The following USP42 variants were observed in gnomAD, a reference collection of about 807,000 sequenced individuals.
USP42 encodes the protein ubiquitin carboxyl-terminal hydrolase 42.
In USP42, 23 loss-of-function variants were observed where a neutral mutation model predicts 113.0. The ratio of observed to expected loss-of-function variants is 0.20; its 90% CI spans 0.15 to 0.29. USP42 has a LOEUF of 0.29. Ranked by LOEUF, USP42 falls within the 10% of genes least tolerant of loss-of-function variation. The pLI, the probability that USP42 is intolerant of heterozygous loss-of-function variation, is 1.00. For missense variants in USP42, 2,174 were observed against 1,779.8 expected (o/e 1.22, Z -3.99); for synonymous variants, 933 against 699.0 (o/e 1.33, Z -5.28).
intron 3 of USP42, among the ~76,000 whole-genome samples, chr7:6,123,914 C>T (rs1481069752): frequency 6.7e-6 from 1 of 149,422 alleles, no homozygotes; most frequent in African/African-American, 2.5e-5. Context: ...CTCACTTTGT[C>T]ACCTATGCTG....
Position 6,135,061 on chromosome 7 carries a change from A to G in USP42, c.443-780A>G, listed in dbSNP as rs141090419. Among the ~76,000 whole-genome samples the G allele has an allele frequency of 7.5e-4, 114 of 152,296 alleles. 1 individual carries two copies. The East Asian group carries it at 0.021, about 28-fold the overall frequency. ...CACCTCAGCTTCCCAGAGTGCTGAG[A>G]TGATAGGCATGAGCCATGGCGCCTG... On this transcript the variant is annotated intron_variant, in intron 3 of 17. Transcript: ENST00000306177.
Position 6,161,287 on chromosome 7 carries a change from TACAG to T in USP42, c.*773_*776del, listed in dbSNP as rs939780342. On this transcript the variant is annotated 3_prime_UTR_variant, in exon 18 of 18. Transcript: ENST00000306177. ...TGCTTGGTCCCTTCGAGTTTCTAGT[TACAG>T]ACACAATCATACTGTGATTTTATTT... The T allele has an allele frequency of 3.3e-5, 5 of 152,564 alleles. No individual in the cohort carries two copies. Among genetic ancestry groups the T allele is most frequent in the African/African-American group, 1.2e-4 (5 of 41,430 alleles). 9.5% of individuals were successfully genotyped at this position (152,564 alleles called of 1,614,324 possible).
chr7:6,157,075 A>G lies in USP42; in HGVS notation c.3943+20A>G. ...GCCAGGGTAAGAGGAGATACTTGGA[A>G]TTAGGAAGATAGAAACTATTTCTTA... is the stretch of plus-strand genomic sequence containing the variant. On this transcript the variant is annotated intron_variant, in intron 16 of 17. Transcript: ENST00000306177. This position sits in a 1 kb window ranked among gnomAD's most constrained non-coding sequence, Gnocchi z 4.1. 1 of 1,553,858 alleles carries G rather than the reference A, an allele frequency of 6.4e-7. No individual in the cohort carries two copies. Among genetic ancestry groups the G allele is most frequent in the Non-Finnish European group, 8.7e-7 (1 of 1,154,634 alleles).
chr7:6,085,710 G>C, the USP42 span, among the ~76,000 whole-genome samples: 15 of 150,046 alleles, frequency 1.0e-4, no homozygotes, highest in Admixed American at 9.3e-4. Flanking sequence ...TGCCTCTTGA[G>C]TTCAAGCGAT....
rs1782515524 is a variant in USP42 at position 6,157,385 on chromosome 7, TTTTATTTTATTTTA to T, written c.3943+344_3943+357del. On this transcript the variant is annotated intron_variant, in intron 16 of 17. Transcript: ENST00000306177. This position sits in a 1 kb window ranked among gnomAD's most constrained non-coding sequence, Gnocchi z 4.1. ...GAACTCTTGGTTTGGTTTGGTTTTATTTTATTTTATTTTATTTATTTTATTTTTTGAGACGGAGT... is the reference window on the plus strand; with the variant it reads ...GAACTCTTGGTTTGGTTTGGTTTTATTTTATTTTATTTTTTGAGACGGAGT... 3.0e-6 allele frequency: 3 copies of T among 998,578 alleles called. No homozygotes were observed. Among genetic ancestry groups the T allele is most frequent in the South Asian group, 4.7e-5 (1 of 21,352 alleles). 61.9% of individuals were successfully genotyped at this position (998,578 alleles called of 1,614,324 possible). A position where few individuals can be genotyped will look rare whatever the true frequency, so the allele number is the denominator to read the frequency against.
At chr7:6,149,459 A>G (rs964555781) in intron 12 of USP42, 124 bp from the exon 13 acceptor site, 93 of 1,203,250 alleles carry the variant, frequency 7.7e-5, no homozygotes, top group Non-Finnish European at 1.0e-4. Context: ...TTCCAGGTGT[A>G]TGAAACTTGT....
upstream of USP42, among the ~76,000 whole-genome samples, chr7:6,104,033 A>G (rs1417135931): frequency 1.3e-5 from 2 of 151,122 alleles, no homozygotes; most frequent in Non-Finnish European, 2.9e-5. Flanking sequence ...GCAGTGAGTT[A>G]GGTCGTGAAA....
At chr7:6,132,474 C>A (rs1050698334) in intron 3 of USP42, among the ~76,000 whole-genome samples, 15 of 151,748 alleles carry the variant, frequency 9.9e-5, no homozygotes, top group Non-Finnish European at 2.2e-4. Flanking sequence ...TCTCCTGTCT[C>A]AGCCTCCTGA....
In USP42 at chr7:6,139,381, GT is replaced by G. The variant is rs1173854686; in HGVS notation, c.656+188del. The G allele has an allele frequency of 4.2e-5, 20 of 479,732 alleles. No homozygotes were observed. The Admixed American group carries it at 7.3e-4, about 18-fold the overall frequency. The allele number at this position is 479,732 out of a possible 1,614,324, so 29.7% of individuals were successfully genotyped here. On this transcript the variant is annotated intron_variant, in intron 5 of 17. Coordinates refer to ENST00000306177, the MANE Select transcript of USP42 (RefSeq NM_032172.3). The surrounding 1 kb of genome is among the most constrained non-coding windows in gnomAD (Gnocchi z 4.5). ...TTTAAAATGGTTGAAATTTACACGT[GT>G]GTCTTACGTAACAGTTTGAGTTGGC... is the stretch of plus-strand genomic sequence containing the variant.
Position 6,157,179 on chromosome 7 carries a change from AC to A in USP42, c.3943+128del. ...ATCAAAGGGCACAGTTACTCAGAGC[AC>A]CCCTGCCCTGCCTGGTCTGGCCTCA... is the stretch of plus-strand genomic sequence containing the variant. On this transcript the variant is annotated intron_variant, in intron 16 of 17. Coordinates refer to ENST00000306177, the MANE Select transcript of USP42 (RefSeq NM_032172.3). The surrounding 1 kb of genome is among the most constrained non-coding windows in gnomAD (Gnocchi z 4.1). The A allele has an allele frequency of 7.0e-7, 1 of 1,434,870 alleles. No homozygotes were observed. Among genetic ancestry groups the A allele is most frequent in the Non-Finnish European group, 9.1e-7 (1 of 1,099,730 alleles). The allele number at this position is 1,434,870 out of a possible 1,614,324, so 88.9% of individuals were successfully genotyped here. A position where few individuals can be genotyped will look rare whatever the true frequency, so the allele number is the denominator to read the frequency against.
At chr7:6,113,886 G>C (rs1779737768) in intron 2 of USP42, among the ~76,000 whole-genome samples, 1 of 149,938 alleles carries the variant, frequency 6.7e-6, no homozygotes, top group African/African-American at 2.4e-5. Context: ...CTCCCAAAGT[G>C]CTGGGATTAC....
rs574148503 is a variant in USP42, at chr7:6,108,267, G to A, written c.-9-2858G>A. On this transcript the variant is annotated intron_variant, in intron 1 of 17. Transcript: ENST00000306177. ...TAAAAAACAAATTTGGCCAGGTTCT[G>A]TGGCTCATGCCTGTAATTCCAGCAT... 5.3e-5 allele frequency among the ~76,000 whole-genome samples: 8 copies of A among 152,250 alleles called. No individual in the cohort carries two copies. The South Asian group carries it at 6.2e-4, about 12-fold the overall frequency.
Position 6,154,299 on chromosome 7 carries a change from C to T in USP42, c.2745C>T (p.Asp915=), listed in dbSNP as rs2128521667. The change falls in exon 15 of 18, where the codon GAC becomes GAT. Residue 915 remains aspartate (D), a synonymous_variant. Coordinates refer to ENST00000306177, the MANE Select transcript of USP42 (RefSeq NM_032172.3). ...DMAPAGHPEG[D]AEPSPGERVE... is the part of the protein sequence containing the mutation. ...CCCCGGCCGGTCACCCGGAAGGGGACGCTGAGCCTAGCCCCGGCGAGAGGG... is the reference window on the plus strand; with the variant it reads ...CCCCGGCCGGTCACCCGGAAGGGGATGCTGAGCCTAGCCCCGGCGAGAGGG... 1.3e-6 allele frequency: 2 copies of T among 1,586,614 alleles called. No individual in the cohort carries two copies. Among genetic ancestry groups the T allele is most frequent in the East Asian group, 2.3e-5 (1 of 43,220 alleles).
chr7:6,096,713 T>C, the USP42 span, among the ~76,000 whole-genome samples: 1 of 151,164 alleles, frequency 6.6e-6, no homozygotes, highest in Non-Finnish European at 1.5e-5. Context: ...GAGATCCTCC[T>C]TGTCTGCTTA....
chr7:6,153,812 G>A lies in USP42; in HGVS notation c.2258G>A (p.Gly753Asp), dbSNP rs1328432071. 2 of 1,526,150 alleles carry A rather than the reference G, an allele frequency of 1.3e-6. No individual in the cohort carries two copies. The highest frequency in any genetic ancestry group is 1.8e-6 in the Non-Finnish European group (2 of 1,135,322). The allele number at this position is 1,526,150 out of a possible 1,614,324, so 94.5% of individuals were successfully genotyped here. A position where few individuals can be genotyped will look rare whatever the true frequency, so the allele number is the denominator to read the frequency against. ...PEDRDAEPQP[G>D]SPAAESLEEP... ...GACCGCGACGCCGAGCCTCAGCCTG[G>A]CAGCCCCGCCGCCGAATCCCTGGAG... Residue 753 changes from glycine to aspartate, a missense_variant, in exon 15 of 18, where the codon GGC becomes GAC. Gly to Asp is a moderately conservative substitution (Grantham distance 94). Transcript: ENST00000306177.
chr7:6,155,032 C>T lies in USP42; in HGVS notation c.3478C>T (p.Arg1160Trp), dbSNP rs201656867. 23 of 1,563,704 alleles carry T rather than the reference C, an allele frequency of 1.5e-5. No homozygotes were observed. Among genetic ancestry groups the T allele is most frequent in the African/African-American group, 9.5e-5 (7 of 73,718 alleles). ...TCACGAACACGAAAATGGAAAGTCCCGGAAACGGAGACACGACAGTGTGGA... is the reference window on the plus strand; with the variant it reads ...TCACGAACACGAAAATGGAAAGTCCTGGAAACGGAGACACGACAGTGTGGA... ...RFHEHENGKS[R>W]KRRHDSVENS... The change falls in exon 15 of 18, where the codon CGG (arginine) becomes TGG (tryptophan). Residue 1160 changes from arginine to tryptophan, a missense_variant. Physicochemically the swap from Arg to Trp is moderately radical, Grantham distance 101 (BLOSUM62 -3). Coordinates refer to ENST00000306177, the MANE Select transcript of USP42 (RefSeq NM_032172.3).
chr7:6,145,328 C>G (rs1781657906), intron 9 of USP42, among the ~76,000 whole-genome samples, 188 bp from the exon 10 acceptor site: 1 of 135,616 alleles, frequency 7.4e-6, no homozygotes, highest in Non-Finnish European at 1.5e-5. Flanking sequence ...GGCACGCCAT[C>G]TCAAAAAAAA....
chr7:6,133,891 CTT>C (rs386409441), intron 3 of USP42, among the ~76,000 whole-genome samples: 32 of 128,966 alleles, frequency 2.5e-4, no homozygotes, highest in Admixed American at 3.2e-4. Flanking sequence ...GTTTCTTCTT[CTT>C]TTTTTTTTTT....
intron 4 of USP42, among the ~76,000 whole-genome samples, chr7:6,137,203 TG>T (rs1034682248): frequency 1.3e-5 from 2 of 152,252 alleles, no homozygotes; most frequent in African/African-American, 4.8e-5. Flanking sequence ...GTAATCTTTT[TG>T]CCTAGAAAGC....
Sources: allele counts gnomAD v4.1 joint callset (sites outside exome capture counted in the v4.1 genomes callset), GRCh38; gene constraint gnomAD v4.1.1; non-coding constraint Gnocchi (gnomAD v3.1); transcripts MANE v1.5; gene names NCBI Gene and HGNC (gene_info 2026-07-23, HGNC 2026-07-21).